POGLUT1: variants seen among roughly 807,000 people sequenced by gnomAD.
POGLUT1 encodes the protein 9630046K23Rik.
POGLUT1 carries 32 observed loss-of-function variants against 61.3 expected under a neutral mutation model. That is an observed-to-expected ratio of 0.52 (90% CI 0.39 to 0.70). The LOEUF is 0.70. POGLUT1 is among the 30% of genes least tolerant of loss of function. The pLI is 0.00. For missense variants in POGLUT1, 411 were observed against 469.8 expected, an observed-to-expected ratio of 0.87 and a Z score of 1.16; for synonymous variants, 158 against 158.2, an observed-to-expected ratio of 1.00 and a Z score of 0.01.
In POGLUT1 at chr3:119,474,952, GT is replaced by G. The variant is rs537760153; in HGVS notation, c.321-2351del. On this transcript the variant is annotated intron_variant, in intron 3 of 10. Coordinates refer to ENST00000295588, the MANE Select transcript of POGLUT1 (RefSeq NM_152305.3). Reference sequence around the variant, plus strand: ...AATATTTTTTTACATTTTTTAACTAGTTTTTTTTTTCTTTTAGTGTCAAAGA... The same window carrying G: ...AATATTTTTTTACATTTTTTAACTAGTTTTTTTTTCTTTTAGTGTCAAAGA... 2.0e-4 allele frequency among the ~76,000 whole-genome samples: 30 copies of G among 149,168 alleles called. No individual in the cohort carries two copies. In the East Asian group the frequency reaches 2.2e-3, roughly 11 times the overall value.
chr3:119,492,374 A>G lies in POGLUT1; in HGVS notation c.1115A>G (p.Tyr372Cys). 6.2e-7 allele frequency: 1 copy of G among 1,607,538 alleles called. No individual in the cohort carries two copies. Among genetic ancestry groups the G allele is most frequent in the South Asian group, 1.1e-5 (1 of 90,654 alleles). ...LLSEYSKFLS[Y>C]NVTRRKGYDQ... Reference sequence around the variant, plus strand: ...AGTGAATACTCTAAATTCCTGTCTTATAATGTAACGAGAAGGAAAGGTTAT... The same window carrying G: ...AGTGAATACTCTAAATTCCTGTCTTGTAATGTAACGAGAAGGAAAGGTTAT... The change falls in exon 11 of 11, where the codon TAT (tyrosine) becomes TGT (cysteine). Residue 372 changes from tyrosine (Y) to cysteine (C), a missense_variant. Tyr to Cys is a radical substitution (Grantham distance 194). Coordinates refer to ENST00000295588, the MANE Select transcript of POGLUT1 (RefSeq NM_152305.3).
rs185341362 is a variant in POGLUT1, at chr3:119,492,594, A to G, written c.*156A>G. 255 of 438,568 alleles carry G rather than the reference A, an allele frequency of 5.8e-4. 2 individuals carry two copies. The highest frequency in any genetic ancestry group is 4.6e-3 in the African/African-American group (228 of 49,662). The allele number at this position is 438,568 out of a possible 1,614,324, so 27.2% of individuals were successfully genotyped here. On this transcript the variant is annotated 3_prime_UTR_variant, in exon 11 of 11. Transcript: ENST00000295588. ...CATGCTGCACCCAGAGCAACTCTTG[A>G]GAAAGATTTAAAATGTGTCTAATAC...
At chr3:119,487,404 T>C (rs997393737) in intron 7 of POGLUT1, among the ~76,000 whole-genome samples, 1 of 152,004 alleles carries the variant, frequency 6.6e-6, no homozygotes, top group African/African-American at 2.4e-5. Flanking sequence ...CTGGCCAACA[T>C]GGTGAAACCC....
chr3:119,471,465 G>A lies in POGLUT1; in HGVS notation c.320+13G>A, dbSNP rs372780198. ...TGTTCCCCTCAAGGTAAGAGTTAAC[G>A]AGGTAGATATATCTTCTGACTTTAT... is the stretch of plus-strand genomic sequence containing the variant. On this transcript the variant is annotated intron_variant, in intron 3 of 10. Transcript: ENST00000295588. 4.2e-5 allele frequency: 68 copies of A among 1,612,494 alleles called. No homozygotes were observed. The African/African-American group carries it at 8.1e-4, about 19-fold the overall frequency.
At chr3:119,486,979 C>T (rs1383693728) in intron 7 of POGLUT1, 47 bp downstream of exon 7, 2 of 1,230,240 alleles carry the variant, frequency 1.6e-6, no homozygotes, top group Non-Finnish European at 1.2e-6. Flanking sequence ...AACATTCTCA[C>T]TCAAAGAACA....
intron 5 of POGLUT1, among the ~76,000 whole-genome samples, chr3:119,482,872 A>T (rs1166280335): frequency 6.6e-6 from 1 of 152,174 alleles, no homozygotes; most frequent in Admixed American, 6.5e-5. Flanking sequence ...GAGAGGGTTT[A>T]AAAAAGAGGG....
intron 5 of POGLUT1, among the ~76,000 whole-genome samples, chr3:119,481,344 T>C (rs1437305366): frequency 6.6e-6 from 1 of 152,196 alleles, no homozygotes; most frequent in Admixed American, 6.5e-5. Flanking sequence ...AAGCTGTAGG[T>C]ATTTCTTACC....
chr3:119,481,643 A>G (rs2081606769), intron 5 of POGLUT1, among the ~76,000 whole-genome samples: 1 of 152,080 alleles, frequency 6.6e-6, no homozygotes, highest in African/African-American at 2.4e-5. Flanking sequence ...TTAAAAAATA[A>G]TAACTTAGTC....
intron 3 of POGLUT1, among the ~76,000 whole-genome samples, chr3:119,474,445 C>A (rs1401721837): frequency 6.6e-6 from 1 of 152,150 alleles, no homozygotes; most frequent in Admixed American, 6.6e-5. Flanking sequence ...CCTCTCCTCC[C>A]CATGCCCCAC....
At chr3:119,476,597 T>G (rs2081540684) in intron 3 of POGLUT1, among the ~76,000 whole-genome samples, 1 of 152,142 alleles carries the variant, frequency 6.6e-6, no homozygotes, top group Non-Finnish European at 1.5e-5. Context: ...GCCAGAAAAT[T>G]TTGATCAAGC....
intron 10 of POGLUT1, 33 bp from the exon 11 acceptor site, chr3:119,492,249 C>T: frequency 6.5e-7 from 1 of 1,543,710 alleles, no homozygotes; most frequent in South Asian, 1.2e-5. Context: ...AAATTCTGTG[C>T]TTTAACATTT....
chr3:119,480,289 C>T lies in POGLUT1; in HGVS notation c.578+117C>T. On this transcript the variant is annotated intron_variant, in intron 5 of 10. Transcript: ENST00000295588. ...TTGAGACGGAGTTTCGCCCTTTTTG[C>T]CCAGGCTAGAGTGCAATGGCGTGAT... is the stretch of plus-strand genomic sequence containing the variant. The T allele has an allele frequency of 7.5e-6, 6 of 800,464 alleles. 1 individual carries two copies. The highest frequency in any genetic ancestry group is 6.5e-5 in the South Asian group (3 of 45,868). The allele number at this position is 800,464 out of a possible 1,614,324, so 49.6% of individuals were successfully genotyped here.
chr3:119,487,183 GA>G, intron 7 of POGLUT1: 1 of 500,046 alleles, frequency 2.0e-6, no homozygotes. Context: ...CTTTTTCCAG[GA>G]AGGGCCAAAT....
rs760044064 is a variant in POGLUT1 at position 119,469,047 on chromosome 3, T to C, written c.26T>C (p.Leu9Pro). 3 of 1,609,386 alleles carry C rather than the reference T, an allele frequency of 1.9e-6. No individual in the cohort carries two copies. The highest frequency in any genetic ancestry group is 2.5e-6 in the Non-Finnish European group (3 of 1,178,972). ...ATGGAGTGGTGGGCTAGCTCGCCGC[T>C]TCGGCTCTGGCTGCTGTTGTTCCTC... is the stretch of plus-strand genomic sequence containing the variant. MEWWASSP[L>P]RLWLLLFLLP... Residue 9 changes from leucine (L) to proline (P), a missense_variant, in exon 1 of 11, where the codon CTT (leucine) becomes CCT (proline). By Grantham distance (98) the Leu-to-Pro change is moderately conservative (BLOSUM62 -3). Transcript: ENST00000295588.
In POGLUT1 at chr3:119,471,425, G is replaced by A. The variant is rs756493199; in HGVS notation, c.293G>A (p.Arg98Gln). 9.9e-6 allele frequency: 16 copies of A among 1,613,896 alleles called. No homozygotes were observed. Among genetic ancestry groups the A allele is most frequent in the South Asian group, 4.4e-5 (4 of 91,082 alleles). Residue 98 changes from arginine to glutamine, a missense_variant, in exon 3 of 11, where the codon CGG becomes CAG. Physicochemically the swap from Arg to Gln is conservative, Grantham distance 43. Coordinates refer to ENST00000295588, the MANE Select transcript of POGLUT1 (RefSeq NM_152305.3). ...CAGATCACTAAGAACAGACTGTACC[G>A]GGAAAATGACTGCATGTTCCCCTCA... Reference protein sequence around the residue: ...HYQITKNRLYRENDCMFPSRC... With the variant: ...HYQITKNRLYQENDCMFPSRC...
At chr3:119,475,288 A>G (rs1028191745) in intron 3 of POGLUT1, among the ~76,000 whole-genome samples, 1 of 152,208 alleles carries the variant, frequency 6.6e-6, no homozygotes, top group Non-Finnish European at 1.5e-5. Flanking sequence ...AAGAGTCCAT[A>G]GAGAATGCCT....
Position 119,493,197 on chromosome 3 carries a change from A to C in POGLUT1, c.*759A>C, listed in dbSNP as rs1577090746. On this transcript the variant is annotated 3_prime_UTR_variant, in exon 11 of 11. Transcript: ENST00000295588. ...CTTAATAAATTTAATGGAACTATAC[A>C]TAGAACAGCAGCTCTTCCTCACCCT... 2.6e-5 allele frequency: 4 copies of C among 152,130 alleles called. No homozygotes were observed. In the South Asian group the frequency reaches 8.3e-4, roughly 32 times the overall value. The allele number at this position is 152,130 out of a possible 1,614,324, so 9.4% of individuals were successfully genotyped here.
At chr3:119,489,700 G>A (rs1485055598) in intron 8 of POGLUT1, 2 of 152,082 alleles carry the variant, frequency 1.3e-5, no homozygotes, top group Non-Finnish European at 2.9e-5. Flanking sequence ...CTACACCAGG[G>A]GTCCCCAACC....
intron 3 of POGLUT1, among the ~76,000 whole-genome samples, chr3:119,475,954 CCACACACACACACACACACACACA>C (rs539140166): frequency 4.6e-5 from 6 of 130,850 alleles, no homozygotes; most frequent in Non-Finnish European, 9.6e-5. Flanking sequence ...GACTGTCTCT[CCACACACACACACACACACACACA>C]CACACACACA....
Sources: gnomAD v4.1 joint callset for allele counts (sites outside exome capture counted in the v4.1 genomes callset) on GRCh38, gnomAD v4.1.1 for gene constraint, MANE v1.5 for transcripts, NCBI Gene and HGNC (gene_info 2026-07-23, HGNC 2026-07-21) for gene names.